Variants in RORA observed in about 807,000 individuals in gnomAD.
RORA encodes the protein nuclear receptor ROR-alpha.
RORA carries 7 observed loss-of-function variants against 69.5 expected under a neutral mutation model. The ratio of observed to expected loss-of-function variants is 0.10; its 90% CI spans 0.06 to 0.19. The LOEUF is 0.19. Among genes scored for constraint, RORA ranks in the 10% least tolerant of loss-of-function variants. The probability of loss-of-function intolerance (pLI) is 1.00; values close to 1 mark genes in which losing one functional copy is unlikely to be tolerated. For missense variants in RORA, 457 were observed against 663.0 expected (o/e 0.69, Z 3.41); for synonymous variants, 261 against 240.8 (o/e 1.08, Z -0.78).
chr15:61,045,343 T>C (rs1211301851), intron 1 of RORA, among the ~76,000 whole-genome samples: 1 of 152,220 alleles, frequency 6.6e-6, no homozygotes, highest in Non-Finnish European at 1.5e-5. Flanking sequence ...TCCCCAGCCA[T>C]GTGGAACTGT....
intron 3 of RORA, among the ~76,000 whole-genome samples, chr15:60,519,477 T>C (rs2066085250): frequency 6.6e-6 from 1 of 152,208 alleles, no homozygotes; most frequent in African/African-American, 2.4e-5. Flanking sequence ...TACACTGTCA[T>C]CTTGTTTTGT....
intron 1 of RORA, among the ~76,000 whole-genome samples, chr15:60,705,775 G>A (rs1355632020): frequency 1.3e-5 from 2 of 152,092 alleles, no homozygotes; most frequent in East Asian, 1.9e-4. Flanking sequence ...TAGGAAAACT[G>A]GGAGATAATT....
chr15:60,624,723 G>C (rs2069526626), intron 2 of RORA, among the ~76,000 whole-genome samples: 1 of 151,880 alleles, frequency 6.6e-6, no homozygotes, highest in Admixed American at 6.6e-5. Flanking sequence ...TCACCTTTCA[G>C]GCAATTTGGA....
At position 61,135,144 on chromosome 15, in the gene RORA, ACT is replaced by A. The variant is rs1347984838; in HGVS notation, c.166+93907_166+93908del. 3.3e-3 allele frequency among the ~76,000 whole-genome samples: 440 copies of A among 134,036 alleles called. 2 individuals are homozygous for A. The highest frequency in any genetic ancestry group is 0.012 in the African/African-American group (400 of 32,896). 87.9% of individuals were successfully genotyped at this position (134,036 alleles called of 152,430 possible). A position where few individuals can be genotyped will look rare whatever the true frequency, so the allele number is the denominator to read the frequency against. On this transcript the variant is annotated intron_variant, in intron 1 of 10. Transcript: ENST00000335670. The stretch of plus-strand genomic sequence containing the variant: ...CCAACATGGTGAAACCCCATCTCTT[ACT>A]AAAAAAAAAAAAAAAAAAAAAAAAA...
Position 61,036,746 on chromosome 15 carries a change from G to A in RORA, c.166+192307C>T, listed in dbSNP as rs1046091300. 1.1e-4 allele frequency among the ~76,000 whole-genome samples: 15 copies of A among 131,068 alleles called. 1 individual carries two copies. Among genetic ancestry groups the A allele is most frequent in the African/African-American group, 3.9e-4 (13 of 33,172 alleles). 86.0% of individuals were successfully genotyped at this position (131,068 alleles called of 152,430 possible). A position where few individuals can be genotyped will look rare whatever the true frequency, so the allele number is the denominator to read the frequency against. ...TTGACTTTAATTTAGAAGTCTCAAA[G>A]AGAGTGTTCACCCTAGAGCAGAGAT... On this transcript the variant is annotated intron_variant, in intron 1 of 10. Coordinates refer to ENST00000335670, the MANE Select transcript of RORA (RefSeq NM_134261.3).
At chr15:61,027,922 G>A (rs868339601) in intron 1 of RORA, among the ~76,000 whole-genome samples, 1 of 152,218 alleles carries the variant, frequency 6.6e-6, no homozygotes, top group Non-Finnish European at 1.5e-5. Flanking sequence ...AGCACTGTGA[G>A]TACCTAACCC....
chr15:61,057,316 G>C (rs769460333), intron 1 of RORA, among the ~76,000 whole-genome samples: 20 of 152,192 alleles, frequency 1.3e-4, no homozygotes, highest in Non-Finnish European at 2.8e-4. Context: ...GAAAGAGTCA[G>C]AATATTGTTT....
intron 1 of RORA, among the ~76,000 whole-genome samples, chr15:60,802,492 G>A (rs977125858): frequency 2.0e-5 from 3 of 152,196 alleles, no homozygotes; most frequent in Non-Finnish European, 2.9e-5. Context: ...CCCTGCAGAA[G>A]CTTTGCCAAG....
At chr15:60,980,349 G>C (rs1894009085) in intron 1 of RORA, among the ~76,000 whole-genome samples, 1 of 151,920 alleles carries the variant, frequency 6.6e-6, no homozygotes, top group South Asian at 2.1e-4. Flanking sequence ...TTCCTTTCTT[G>C]GGATACCTTT....
At chr15:60,985,913 A>T (rs1192342418) in intron 1 of RORA, among the ~76,000 whole-genome samples, 1 of 152,132 alleles carries the variant, frequency 6.6e-6, no homozygotes, top group East Asian at 1.9e-4. Flanking sequence ...AGTTCTCAAA[A>T]ATTAAGAGTT....
In RORA at chr15:61,226,628, C is replaced by T. The variant is rs1177240976; in HGVS notation, c.166+2425G>A. On this transcript the variant is annotated intron_variant, in intron 1 of 10. Transcript: ENST00000335670. The surrounding 1 kb of genome is among the most constrained non-coding windows in gnomAD (Gnocchi z 4.2). Reference sequence around the variant, plus strand: ...AGCTCACACACATAAAGATTGGTACCCCTGAGGAGCAGATGCTACATCTGA... The same window carrying T: ...AGCTCACACACATAAAGATTGGTACTCCTGAGGAGCAGATGCTACATCTGA... Among the ~76,000 whole-genome samples the T allele has an allele frequency of 1.3e-5, 2 of 152,144 alleles. No individual in the cohort carries two copies. Among genetic ancestry groups the T allele is most frequent in the Non-Finnish European group, 2.9e-5 (2 of 68,038 alleles).
chr15:60,711,212 G>A (rs2071139582), intron 1 of RORA, among the ~76,000 whole-genome samples: 1 of 152,124 alleles, frequency 6.6e-6, no homozygotes, highest in African/African-American at 2.4e-5. Flanking sequence ...TCAAGGCTAT[G>A]TGTATTTCTC....
chr15:60,891,106 G>A (rs1424630377), intron 1 of RORA, among the ~76,000 whole-genome samples: 1 of 152,222 alleles, frequency 6.6e-6, no homozygotes, highest in Admixed American at 6.5e-5. Context: ...GTTAGAATCA[G>A]CTGCCTGCCC....
chr15:61,078,251 C>A (rs762456193), intron 1 of RORA, among the ~76,000 whole-genome samples: 4 of 151,912 alleles, frequency 2.6e-5, no homozygotes, highest in African/African-American at 9.7e-5. Context: ...GCAACCTCTG[C>A]CTCTCAGGTT....
intron 2 of RORA, among the ~76,000 whole-genome samples, chr15:60,660,071 AT>A (rs978834522): frequency 5.9e-5 from 9 of 151,890 alleles, no homozygotes; most frequent in East Asian, 1.9e-4. Context: ...TCATCTAAAA[AT>A]TTTTTTTTCT....
In RORA at chr15:60,557,262, C is replaced by T. The variant is rs192964535; in HGVS notation, c.197-25411G>A. Among the ~76,000 whole-genome samples, 10 of 152,336 alleles carry T rather than the reference C, an allele frequency of 6.6e-5. No homozygotes were observed. In the East Asian group the frequency reaches 1.9e-3, roughly 29 times the overall value. ...TATAGTCATACCTAAAATTAACCCA[C>T]TGTCTTAAGTTAAATAAGATATAGA... On this transcript the variant is annotated intron_variant, in intron 2 of 10. Coordinates refer to ENST00000335670, the MANE Select transcript of RORA (RefSeq NM_134261.3).
In RORA at chr15:61,184,146, T is replaced by A. The variant is rs1466320662; in HGVS notation, c.166+44907A>T. Among the ~76,000 whole-genome samples the A allele has an allele frequency of 3.3e-5, 5 of 152,338 alleles. No homozygotes were observed. The East Asian group carries it at 9.7e-4, about 29-fold the overall frequency. ...ATGAGTTCCACGCATTGCACTGCAT[T>A]TCACAATTTTGCCCCATCTTCCCAT... is the stretch of plus-strand genomic sequence containing the variant. On this transcript the variant is annotated intron_variant, in intron 1 of 10. Transcript: ENST00000335670.
chr15:60,606,581 T>A (rs2068951657), intron 2 of RORA, among the ~76,000 whole-genome samples: 1 of 152,194 alleles, frequency 6.6e-6, no homozygotes, highest in Admixed American at 6.5e-5. Context: ...TCTCAGTTAA[T>A]CATCATATAT....
At chr15:60,672,773 A>G (rs2070494490) in intron 2 of RORA, among the ~76,000 whole-genome samples, 1 of 152,252 alleles carries the variant, frequency 6.6e-6, no homozygotes, top group South Asian at 2.1e-4. Flanking sequence ...GTAAAGCATT[A>G]AACACAATGC....
Sources: gnomAD v4.1 joint callset for allele counts (sites outside exome capture counted in the v4.1 genomes callset) on GRCh38, gnomAD v4.1.1 for gene constraint, Gnocchi (gnomAD v3.1) non-coding constraint, MANE v1.5 for transcripts, NCBI Gene and HGNC (gene_info 2026-07-23, HGNC 2026-07-21) for gene names.